MYH15: variants seen among roughly 807,000 people sequenced by gnomAD.
MYH15 encodes myosin-15.
A neutral mutation model predicts 240.5 loss-of-function variants in MYH15; 227 were observed. The observed-to-expected ratio is 0.94, with a 90% CI of 0.85 to 1.05. The LOEUF (loss-of-function observed/expected upper bound fraction) is 1.05. Among genes scored for constraint, MYH15 ranks in the 50% least tolerant of loss-of-function variants. The pLI, the probability that MYH15 is intolerant of heterozygous loss-of-function variation, is 0.00. For synonymous variants in MYH15, 785 were observed against 796.7 expected, an observed-to-expected ratio of 0.99 and a Z score of 0.25; for missense variants, 2,217 against 2,247.5, an observed-to-expected ratio of 0.99 and a Z score of 0.27.
At chr3:108,533,716 G>A (rs1458212771), upstream of MYH15, among the ~76,000 whole-genome samples, 8 of 152,174 alleles carry the variant, frequency 5.3e-5, no homozygotes, top group African/African-American at 1.7e-4. Context: ...AAGGAAACCA[G>A]AATACATGTC....
In MYH15 at chr3:108,381,520, T is replaced by C. The variant is rs772313215; in HGVS notation, c.*25A>G. The C allele has an allele frequency of 6.2e-7, 1 of 1,613,108 alleles. No homozygotes were observed. The highest frequency in any genetic ancestry group is 8.5e-7 in the Non-Finnish European group (1 of 1,179,044). The stretch of plus-strand genomic sequence containing the variant: ...AGCACCTTCCTTGTACTTCTCCAGC[T>C]GTTGTCCTTTCAAAGCAGGGGATGC... On this transcript the variant is annotated 3_prime_UTR_variant, in exon 41 of 41. Coordinates refer to ENST00000693548, the MANE Select transcript of MYH15 (RefSeq NM_014981.3).
At chr3:108,437,905 A>T (rs907796866) in intron 24 of MYH15, among the ~76,000 whole-genome samples, 5 of 152,240 alleles carry the variant, frequency 3.3e-5, no homozygotes, top group African/African-American at 9.6e-5. Context: ...GGATGGAAGA[A>T]AACTAGAAAT....
intron 30 of MYH15, among the ~76,000 whole-genome samples, chr3:108,411,805 G>A (rs961345117): frequency 6.6e-6 from 1 of 152,114 alleles, no homozygotes; most frequent in Non-Finnish European, 1.5e-5. Context: ...GGAATTAATA[G>A]GACTGCATAA....
upstream of MYH15, among the ~76,000 whole-genome samples, chr3:108,512,533 CA>C (rs2083529381): frequency 6.6e-6 from 1 of 152,052 alleles, no homozygotes; most frequent in South Asian, 2.1e-4. Context: ...AAAAGATATC[CA>C]TTAATACATG....
At position 108,398,815 on chromosome 3, in the gene MYH15, C is replaced by G. The variant is rs769098475; in HGVS notation, c.4955G>C (p.Ser1652Thr). ...CTTCAGATCACTGTTCAGTTGTGTG[C>G]TGTCATCCAGCTGCATTTGAAGGTC... ...IKDLQMQLDDSTQLNSDLKEQ... is the reference protein window; with the variant it reads ...IKDLQMQLDDTTQLNSDLKEQ... The change falls in exon 35 of 41, where the codon AGC becomes ACC. Residue 1652 changes from serine to threonine, a missense_variant. Ser to Thr is a moderately conservative substitution (Grantham distance 58). Transcript: ENST00000693548. 5 of 1,614,080 alleles carry G rather than the reference C, an allele frequency of 3.1e-6. No individual in the cohort carries two copies. The African/African-American group carries it at 6.7e-5, about 22-fold the overall frequency.
At chr3:108,508,072 A>G (rs576446686) in intron 1 of MYH15, among the ~76,000 whole-genome samples, 1 of 152,296 alleles carries the variant, frequency 6.6e-6, no homozygotes, top group South Asian at 2.1e-4. Context: ...ATAGCTAATT[A>G]GTGGCAGTCA....
In MYH15 at chr3:108,444,721, T is replaced by G; in HGVS notation, c.2574A>C (p.Ser858=). Residue 858 remains serine (S), a synonymous_variant, in exon 22 of 41, where the codon TCA becomes TCC. Coordinates refer to ENST00000693548, the MANE Select transcript of MYH15 (RefSeq NM_014981.3). ...CAQLQKALEK[S]EFQREELKAK... is the part of the protein sequence containing the mutation. ...CTTTCAGTTCCTCCCTCTGAAACTC[T>G]GATTTCTCCAAGGCTTTCTGTAATT... 1 of 1,614,058 alleles carries G rather than the reference T, an allele frequency of 6.2e-7. No homozygotes were observed.
chr3:108,382,070 C>T (rs986744426), intron 40 of MYH15, among the ~76,000 whole-genome samples: 1 of 152,172 alleles, frequency 6.6e-6, no homozygotes, highest in Non-Finnish European at 1.5e-5. Flanking sequence ...GTGACAAAGT[C>T]GAATGCATGG....
chr3:108,458,587 T>C (rs2083043644), intron 18 of MYH15, among the ~76,000 whole-genome samples: 1 of 152,004 alleles, frequency 6.6e-6, no homozygotes, highest in African/African-American at 2.4e-5. Context: ...TCTGAAGACA[T>C]AGGGCTTGTC....
intron 37 of MYH15, among the ~76,000 whole-genome samples, chr3:108,391,525 T>C (rs1325269119): frequency 6.6e-6 from 1 of 152,114 alleles, no homozygotes; most frequent in Non-Finnish European, 1.5e-5. Context: ...CAATGTTAGT[T>C]AGCAAGAGGG....
chr3:108,389,312 T>C (rs1388252070), intron 37 of MYH15, among the ~76,000 whole-genome samples: 1 of 152,218 alleles, frequency 6.6e-6, no homozygotes, highest in African/African-American at 2.4e-5. Flanking sequence ...CACACAGATA[T>C]GAGAAGCTTT....
chr3:108,495,366 T>A (rs949821451), intron 7 of MYH15, among the ~76,000 whole-genome samples: 2 of 152,182 alleles, frequency 1.3e-5, no homozygotes, highest in African/African-American at 4.8e-5. Flanking sequence ...GTACAAACAG[T>A]AATTGTAGTA....
chr3:108,505,456 T>C (rs1280526200), intron 2 of MYH15, among the ~76,000 whole-genome samples: 1 of 152,046 alleles, frequency 6.6e-6, no homozygotes, highest in South Asian at 2.1e-4. Context: ...TTTTTGTAGA[T>C]ACAGGATTTT....
At position 108,391,861 on chromosome 3, in the gene MYH15, T is replaced by G. The variant is rs760962927; in HGVS notation, c.5329A>C (p.Asn1777His). 2 of 1,614,054 alleles carry G rather than the reference T, an allele frequency of 1.2e-6. No individual in the cohort carries two copies. Among genetic ancestry groups the G allele is most frequent in the African/African-American group, 2.7e-5 (2 of 74,922 alleles). ...TIAHLERTRE[N>H]MEQTITDLQK... ...AAGTCTGTAATTGTCTGCTCCATATTTTCTCTTGTCCTTTCCAAGTGGGCA... is the reference window on the plus strand; with the variant it reads ...AAGTCTGTAATTGTCTGCTCCATATGTTCTCTTGTCCTTTCCAAGTGGGCA... Residue 1777 changes from asparagine to histidine, a missense_variant, in exon 37 of 41, where the codon AAT becomes CAT. Transcript: ENST00000693548.
intron 1 of MYH15, among the ~76,000 whole-genome samples, chr3:108,522,965 G>T (rs2083632951): frequency 6.6e-6 from 1 of 152,010 alleles, no homozygotes; most frequent in Admixed American, 6.6e-5. Flanking sequence ...CACTTCCAAG[G>T]CCCCCATCTT....
At chr3:108,516,255 A>G (rs1012021762) in intron 1 of MYH15, among the ~76,000 whole-genome samples, 5 of 152,210 alleles carry the variant, frequency 3.3e-5, no homozygotes, top group African/African-American at 1.2e-4. Context: ...AAAGCCTTCT[A>G]CTGCTGGGAA....
intron 3 of MYH15, among the ~76,000 whole-genome samples, chr3:108,500,826 T>G (rs1331256430): frequency 1.3e-5 from 2 of 152,222 alleles, no homozygotes; most frequent in African/African-American, 4.8e-5. Flanking sequence ...AGGTGGGTCT[T>G]GAATCCAATA....
chr3:108,476,309 T>A, intron 12 of MYH15, 88 bp downstream of exon 12: 3 of 790,592 alleles, frequency 3.8e-6, no homozygotes, highest in Non-Finnish European at 6.0e-6. Context: ...ATTGCAAACA[T>A]CCTTAGTAGT....
upstream of MYH15, among the ~76,000 whole-genome samples, chr3:108,510,797 T>C (rs535121991): frequency 6.6e-6 from 1 of 152,122 alleles, no homozygotes; most frequent in East Asian, 1.9e-4. Flanking sequence ...CCACTAGACA[T>C]AGAAGGCACA....
Sources: allele counts gnomAD v4.1 joint callset (sites outside exome capture counted in the v4.1 genomes callset), GRCh38; gene constraint gnomAD v4.1.1; transcripts MANE v1.5; gene names NCBI Gene and HGNC (gene_info 2026-07-23, HGNC 2026-07-21).